WDR70: variants seen among roughly 807,000 people sequenced by gnomAD.
WDR70 encodes WD repeat-containing protein 70.
A neutral mutation model predicts 88.6 loss-of-function variants in WDR70; 53 were observed. That is an observed-to-expected ratio of 0.60 (90% CI 0.48 to 0.75). The LOEUF (loss-of-function observed/expected upper bound fraction) is 0.75. Ranked by LOEUF, WDR70 falls within the 30% of genes least tolerant of loss-of-function variation. The pLI, the probability that WDR70 is intolerant of heterozygous loss-of-function variation, is 0.00. For missense variants in WDR70, 610 were observed against 823.2 expected (o/e 0.74, Z 3.17); for synonymous variants, 280 against 270.0 (o/e 1.04, Z -0.36).
intron 8 of WDR70, among the ~76,000 whole-genome samples, chr5:37,501,430 T>G (rs1415473352): frequency 6.6e-6 from 1 of 152,152 alleles, no homozygotes; most frequent in Non-Finnish European, 1.5e-5. Context: ...TTGGCTTCCT[T>G]GGGCCACATT....
At chr5:37,598,867 A>C (rs566713915) in intron 9 of WDR70, among the ~76,000 whole-genome samples, 80 of 152,348 alleles carry the variant, frequency 5.3e-4, no homozygotes, top group African/African-American at 1.8e-3. Flanking sequence ...ACACAATGAA[A>C]ACATCCAGAA....
chr5:37,713,636 C>G (rs1747577168), intron 13 of WDR70, among the ~76,000 whole-genome samples: 2 of 151,720 alleles, frequency 1.3e-5, no homozygotes, highest in African/African-American at 4.8e-5. Flanking sequence ...AATACTTATT[C>G]ACTAGGGAGA....
At chr5:37,699,785 G>GA (rs1186515581) in intron 11 of WDR70, among the ~76,000 whole-genome samples, 1 of 151,366 alleles carries the variant, frequency 6.6e-6, no homozygotes, top group Non-Finnish European at 1.5e-5. Context: ...CTGTCTCTAC[G>GA]AAAAATACAA....
At chr5:37,514,419 T>C (rs1488984240) in intron 8 of WDR70, among the ~76,000 whole-genome samples, 1 of 144,386 alleles carries the variant, frequency 6.9e-6, no homozygotes, top group Non-Finnish European at 1.5e-5. Flanking sequence ...AGGGTGCATG[T>C]GCAGGATATA....
At chr5:37,451,975 A>G (rs1173575685) in intron 7 of WDR70, among the ~76,000 whole-genome samples, 1 of 152,132 alleles carries the variant, frequency 6.6e-6, no homozygotes, top group Admixed American at 6.5e-5. Context: ...GCCTGGCAAC[A>G]GAGTGAGACT....
At chr5:37,487,032 A>G (rs1339160462) in intron 8 of WDR70, among the ~76,000 whole-genome samples, 1 of 152,238 alleles carries the variant, frequency 6.6e-6, no homozygotes, top group Non-Finnish European at 1.5e-5. Context: ...TCATCCATAT[A>G]GAAAGATGAT....
intron 10 of WDR70, among the ~76,000 whole-genome samples, chr5:37,650,612 G>T (rs1745375046): frequency 6.6e-6 from 1 of 152,166 alleles, no homozygotes; most frequent in Non-Finnish European, 1.5e-5. Context: ...TATAGTACAT[G>T]TAAGTGGAGA....
chr5:37,567,250 A>G (rs1475405427), intron 9 of WDR70, among the ~76,000 whole-genome samples: 1 of 152,166 alleles, frequency 6.6e-6, no homozygotes, highest in African/African-American at 2.4e-5. Context: ...GTGGTACACA[A>G]AAATATAACC....
intron 9 of WDR70, among the ~76,000 whole-genome samples, chr5:37,541,117 G>A (rs908643498): frequency 6.6e-6 from 1 of 152,164 alleles, no homozygotes; most frequent in African/African-American, 2.4e-5. Flanking sequence ...TTTCAAAAAG[G>A]GAAACTGAAG....
rs1747933415 is a variant in WDR70, at chr5:37,725,068, A to G, written c.1714+18A>G. On this transcript the variant is annotated intron_variant, in intron 16 of 17. Coordinates refer to ENST00000265107, the MANE Select transcript of WDR70 (RefSeq NM_018034.4). ...AGGCCCAGGTGACTGTGATCCAGCT[A>G]GTGACCTGCAGAGGGGGTTCAGAGG... 1.2e-6 allele frequency: 2 copies of G among 1,609,020 alleles called. No homozygotes were observed. Among genetic ancestry groups the G allele is most frequent in the African/African-American group, 2.7e-5 (2 of 74,786 alleles).
chr5:37,639,519 TTTG>T (rs570968087), intron 10 of WDR70, among the ~76,000 whole-genome samples: 13 of 152,122 alleles, frequency 8.5e-5, no homozygotes, highest in Non-Finnish European at 1.0e-4. Context: ...TCTTAATTCC[TTTG>T]TTGTTGTTGT....
intron 11 of WDR70, among the ~76,000 whole-genome samples, chr5:37,698,638 G>A (rs73751116): frequency 6.6e-6 from 1 of 152,300 alleles, no homozygotes; most frequent in African/African-American, 2.4e-5. Flanking sequence ...TATGCTAGGT[G>A]CTGGGTGTAA....
intron 9 of WDR70, among the ~76,000 whole-genome samples, chr5:37,555,720 T>C (rs1325962087): frequency 3.5e-5 from 2 of 57,178 alleles, no homozygotes; most frequent in Non-Finnish European, 6.8e-5. Context: ...TTTTTTGTTT[T>C]GTTTTGTTTT....
chr5:37,437,345 G>A (rs1750498643), intron 5 of WDR70, among the ~76,000 whole-genome samples: 1 of 152,108 alleles, frequency 6.6e-6, no homozygotes, highest in Non-Finnish European at 1.5e-5. Context: ...TAGAAATTAA[G>A]TACTTAACAC....
intron 5 of WDR70, among the ~76,000 whole-genome samples, chr5:37,405,338 T>A (rs190278105): frequency 1.2e-3 from 184 of 151,912 alleles, no homozygotes; most frequent in East Asian, 4.8e-3. Context: ...TAATATATAT[T>A]TTTTTTGCCT....
intron 9 of WDR70, among the ~76,000 whole-genome samples, chr5:37,557,932 T>TCTTTTGAAAACTCTTCAAAAGAGTACA (rs1742345694): frequency 6.6e-6 from 1 of 151,876 alleles, no homozygotes; most frequent in African/African-American, 2.4e-5. Flanking sequence ...AAAAGAGTAC[T>TCTTTTGAAAACTCTTCAAAAGAGTACA]CTTTTGAATA....
intron 9 of WDR70, among the ~76,000 whole-genome samples, chr5:37,525,250 G>A (rs1741228755): frequency 6.6e-6 from 1 of 152,150 alleles, no homozygotes. Context: ...CTCAGCAAAT[G>A]TAAAAGAACA....
Position 37,379,498 on chromosome 5 carries a change from C to T in WDR70, c.35C>T (p.Ser12Leu). ...ERSGPSEVTG[S>L]DASGPDPQLA... Reference sequence around the variant, plus strand: ...TTTCCTCTTGCTCCAGTGACAGGCTCAGACGCGTCGGGACCGGACCCGCAG... The same window carrying T: ...TTTCCTCTTGCTCCAGTGACAGGCTTAGACGCGTCGGGACCGGACCCGCAG... Residue 12 changes from serine to leucine, a missense_variant, in exon 2 of 18, where the codon TCA becomes TTA. By Grantham distance (145) the Ser-to-Leu change is moderately radical. This residue lies in a region of WDR70 where 203 missense variants were observed against 228.1 expected (regional missense o/e 0.89). Coordinates refer to ENST00000265107, the MANE Select transcript of WDR70 (RefSeq NM_018034.4). 6.2e-7 allele frequency: 1 copy of T among 1,613,984 alleles called. No homozygotes were observed. Among genetic ancestry groups the T allele is most frequent in the Non-Finnish European group, 8.5e-7 (1 of 1,179,882 alleles).
At chr5:37,692,589 A>T (rs1258653180) in intron 10 of WDR70, among the ~76,000 whole-genome samples, 1 of 152,180 alleles carries the variant, frequency 6.6e-6, no homozygotes, top group Non-Finnish European at 1.5e-5. Flanking sequence ...GTAATCCCTC[A>T]CATAAACAGA....
Sources: gnomAD v4.1 joint callset for allele counts (sites outside exome capture counted in the v4.1 genomes callset) on GRCh38, gnomAD v4.1.1 for gene constraint, gnomAD v4.1.1 regional missense constraint, MANE v1.5 for transcripts, NCBI Gene and HGNC (gene_info 2026-07-23, HGNC 2026-07-21) for gene names.